WWOX: variants seen among roughly 807,000 people sequenced by gnomAD.
WWOX encodes WW domain containing oxidoreductase.
A neutral mutation model predicts 46.2 loss-of-function variants in WWOX; 69 were observed. The observed-to-expected ratio is 1.49, with a 90% CI of 1.23 to 1.82. The LOEUF is 1.82. Ranked by LOEUF, WWOX falls within the 40% of genes most tolerant of loss-of-function variation. WWOX has a pLI of 0.00. For synonymous variants in WWOX, 359 were observed against 202.6 expected (o/e 1.77, Z -6.56); for missense variants, 919 against 542.6 (o/e 1.69, Z -6.89).
intron 8 of WWOX, among the ~76,000 whole-genome samples, chr16:78,855,996 A>T (rs1053698321): frequency 6.6e-6 from 1 of 152,216 alleles, no homozygotes; most frequent in Admixed American, 6.5e-5. Flanking sequence ...CCCAAGAAGG[A>T]GGTGACTAAC....
At chr16:78,612,563 A>G (rs768077194) in intron 8 of WWOX, among the ~76,000 whole-genome samples, 3 of 152,158 alleles carry the variant, frequency 2.0e-5, no homozygotes. Context: ...GCAGCCTGGA[A>G]CTCATGGGCT....
rs528293412 is a variant in WWOX at position 78,587,193 on chromosome 16, C to CTTTTTTTT, written c.1056+154457_1056+154464dup. On this transcript the variant is annotated intron_variant, in intron 8 of 8. Coordinates refer to ENST00000566780, the MANE Select transcript of WWOX (RefSeq NM_016373.4). The stretch of plus-strand genomic sequence containing the variant: ...AGCAGATGCCACCATGCCTGGCTAA[C>CTTTTTTTT]TTTTTTTTTTTTTTTTTTTTTTTGT... 5.8e-3 allele frequency among the ~76,000 whole-genome samples: 654 copies of CTTTTTTTT among 112,824 alleles called. 22 individuals carry two copies. Among genetic ancestry groups the CTTTTTTTT allele is most frequent in the East Asian group, 0.054 (176 of 3,254 alleles). The allele number at this position is 112,824 out of a possible 152,430, so 74.0% of individuals were successfully genotyped here. A position where few individuals can be genotyped will look rare whatever the true frequency, so the allele number is the denominator to read the frequency against.
At chr16:79,204,814 A>G (rs1336392207) in intron 8 of WWOX, 1 of 152,196 alleles carries the variant, frequency 6.6e-6, no homozygotes, top group Non-Finnish European at 1.5e-5. Flanking sequence ...TTAGGAAAGA[A>G]TTCTTTCCAG....
intron 8 of WWOX, among the ~76,000 whole-genome samples, chr16:78,657,947 C>T (rs1597403739): frequency 6.6e-6 from 1 of 152,110 alleles, no homozygotes. Context: ...TTGTTCTCAC[C>T]TTGGGAAGTG....
At chr16:78,851,248 A>C (rs2052435968) in intron 8 of WWOX, among the ~76,000 whole-genome samples, 1 of 152,184 alleles carries the variant, frequency 6.6e-6, no homozygotes, top group Non-Finnish European at 1.5e-5. Flanking sequence ...ACAGAAACTG[A>C]TGTGTAAACC....
intron 8 of WWOX, among the ~76,000 whole-genome samples, chr16:79,187,818 A>C (rs2051048610): frequency 6.6e-6 from 1 of 152,254 alleles, no homozygotes; most frequent in Admixed American, 6.5e-5. Context: ...CTGGGATTAC[A>C]GGCGTGAGCC....
At chr16:78,833,123 C>T (rs2051877468) in intron 8 of WWOX, among the ~76,000 whole-genome samples, 1 of 151,664 alleles carries the variant, frequency 6.6e-6, no homozygotes, top group Non-Finnish European at 1.5e-5. Context: ...ATCACTGCAG[C>T]CTCCAACTCC....
At chr16:78,615,700 G>C (rs1048349948) in intron 8 of WWOX, among the ~76,000 whole-genome samples, 1 of 143,704 alleles carries the variant, frequency 7.0e-6, no homozygotes, top group Admixed American at 6.7e-5. Context: ...ATAAACAGTA[G>C]TGGTTGAAAG....
intron 4 of WWOX, among the ~76,000 whole-genome samples, chr16:78,160,686 C>T (rs1285817540): frequency 6.6e-6 from 1 of 152,146 alleles, no homozygotes; most frequent in African/African-American, 2.4e-5. Flanking sequence ...TTTTGAAATT[C>T]ATTGAGACTT....
rs545337331 is a variant in WWOX, at chr16:79,086,884, A to C, written c.1057-124724A>C. ...GGTGACAGAGTGAGACCCTGTCCCA[A>C]AACAAAATAAAACAAAGAGTTTATG... On this transcript the variant is annotated intron_variant, in intron 8 of 8. Coordinates refer to ENST00000566780, the MANE Select transcript of WWOX (RefSeq NM_016373.4). 3.4e-3 allele frequency among the ~76,000 whole-genome samples: 525 copies of C among 152,294 alleles called. 1 individual carries two copies. The highest frequency in any genetic ancestry group is 5.5e-3 in the Non-Finnish European group (372 of 68,030).
intron 5 of WWOX, among the ~76,000 whole-genome samples, chr16:78,315,008 A>T (rs895506034): frequency 6.6e-6 from 1 of 152,030 alleles, no homozygotes; most frequent in African/African-American, 2.4e-5. Flanking sequence ...ATGTCCTGAT[A>T]CTTCCTCAGC....
At chr16:79,062,518 G>A (rs1022346850) in intron 8 of WWOX, among the ~76,000 whole-genome samples, 8 of 152,124 alleles carry the variant, frequency 5.3e-5, no homozygotes, top group African/African-American at 7.2e-5. Flanking sequence ...CAGAGGAATC[G>A]AGTGTGACTT....
chr16:78,208,103 C>G (rs1021634367), intron 5 of WWOX, among the ~76,000 whole-genome samples: 1 of 152,220 alleles, frequency 6.6e-6, no homozygotes, highest in African/African-American at 2.4e-5. Flanking sequence ...ATGAGCCTCT[C>G]CATCTGGCCT....
At chr16:79,046,848 C>T (rs190533746) in intron 8 of WWOX, among the ~76,000 whole-genome samples, 2 of 152,278 alleles carry the variant, frequency 1.3e-5, no homozygotes, top group Admixed American at 1.3e-4. Flanking sequence ...ACTCTTCTTC[C>T]ATTTCTAGTC....
In WWOX at chr16:78,816,256, C is replaced by G. The variant is rs145220698; in HGVS notation, c.1056+383504C>G. Among the ~76,000 whole-genome samples the G allele has an allele frequency of 6.3e-4, 96 of 152,276 alleles. 1 individual carries two copies. The highest frequency in any genetic ancestry group is 6.1e-3 in the Admixed American group (94 of 15,294). ...CAGGAAGCCAGAGAAAGAGGGCACCCTTTTCTTTTCTAGCATTTGAGTTCC... is the reference window on the plus strand; with the variant it reads ...CAGGAAGCCAGAGAAAGAGGGCACCGTTTTCTTTTCTAGCATTTGAGTTCC... On this transcript the variant is annotated intron_variant, in intron 8 of 8. Transcript: ENST00000566780.
intron 8 of WWOX, among the ~76,000 whole-genome samples, chr16:78,950,979 G>T (rs546511198): frequency 1.3e-5 from 2 of 152,136 alleles, no homozygotes; most frequent in East Asian, 1.9e-4. Flanking sequence ...CCGCTCAACC[G>T]CCTCTCTTAA....
At chr16:78,754,479 C>G (rs1167316646) in intron 8 of WWOX, among the ~76,000 whole-genome samples, 2 of 152,144 alleles carry the variant, frequency 1.3e-5, no homozygotes, top group East Asian at 1.9e-4. Flanking sequence ...GTACCTACCG[C>G]TTTCTTTTCC....
intron 8 of WWOX, among the ~76,000 whole-genome samples, chr16:78,725,136 C>T (rs374106076): frequency 6.6e-6 from 1 of 151,990 alleles, no homozygotes; most frequent in Non-Finnish European, 1.5e-5. Context: ...CTCATGAGAT[C>T]TGATGGTTTT....
intron 8 of WWOX, among the ~76,000 whole-genome samples, chr16:78,757,197 G>T (rs546222081): frequency 6.6e-6 from 1 of 152,074 alleles, no homozygotes; most frequent in Non-Finnish European, 1.5e-5. Flanking sequence ...GTTAATTATT[G>T]TTTCAGCCCA....
Sources: gnomAD v4.1 joint callset for allele counts (sites outside exome capture counted in the v4.1 genomes callset) on GRCh38, gnomAD v4.1.1 for gene constraint, MANE v1.5 for transcripts, NCBI Gene and HGNC (gene_info 2026-07-23, HGNC 2026-07-21) for gene names.